The following ITPK1 variants were observed in gnomAD, a reference collection of about 807,000 sequenced individuals.
ITPK1 encodes the protein inositol-tetrakisphosphate 1-kinase.
ITPK1 carries 21 observed loss-of-function variants against 45.3 expected under a neutral mutation model. The ratio of observed to expected loss-of-function variants is 0.46; its 90% CI spans 0.33 to 0.67. The LOEUF (loss-of-function observed/expected upper bound fraction) is 0.67, where lower values mean the gene tolerates loss of function less well. ITPK1 is among the 30% of genes least tolerant of loss of function. The probability of loss-of-function intolerance (pLI) is 0.02; values close to 1 mark genes in which losing one functional copy is unlikely to be tolerated. For missense variants in ITPK1, 474 were observed against 573.5 expected (o/e 0.83, Z 1.77); for synonymous variants, 258 against 253.6 (o/e 1.02, Z -0.16).
rs759209329 is a variant in ITPK1 at position 93,016,789 on chromosome 14, G to A, written c.133C>T (p.Arg45Trp). Residue 45 changes from arginine (R) to tryptophan (W), a missense_variant, in exon 4 of 11, where the codon CGG (arginine) becomes TGG (tryptophan). Arg to Trp is a moderately radical substitution (Grantham distance 101). Transcript: ENST00000267615. This position sits in a 1 kb window ranked among gnomAD's most constrained non-coding sequence, Gnocchi z 5.0. ...GMEVVQLNLS[R>W]PIEEQGPLDV... Reference sequence around the variant, plus strand: ...AGGGGGCCCTGCTCCTCGATCGGCCGGCTAAGGTTCAGCTGTGAGGCAGGG... The same window carrying A: ...AGGGGGCCCTGCTCCTCGATCGGCCAGCTAAGGTTCAGCTGTGAGGCAGGG... 76 of 1,613,908 alleles carry A rather than the reference G, an allele frequency of 4.7e-5. No individual in the cohort carries two copies. Among genetic ancestry groups the A allele is most frequent in the Middle Eastern group, 1.6e-4 (1 of 6,082 alleles).
At chr14:92,945,204 G>A (rs1393498956) in intron 10 of ITPK1, among the ~76,000 whole-genome samples, 1 of 152,250 alleles carries the variant, frequency 6.6e-6, no homozygotes, top group Non-Finnish European at 1.5e-5. Flanking sequence ...GCAGCCCTGG[G>A]CGACAGCAGC....
At chr14:93,088,152 C>T (rs533276337) in intron 2 of ITPK1, among the ~76,000 whole-genome samples, 1 of 152,160 alleles carries the variant, frequency 6.6e-6, no homozygotes, top group Non-Finnish European at 1.5e-5. Context: ...GAGGCTAACA[C>T]CAGTAATCCC....
In ITPK1 at chr14:92,937,231, C is replaced by T. The variant is rs368205557; in HGVS notation, c.*4330G>A. 8.5e-5 allele frequency: 13 copies of T among 152,212 alleles called. No individual in the cohort carries two copies. Among genetic ancestry groups the T allele is most frequent in the Admixed American group, 2.0e-4 (3 of 15,280 alleles). 9.4% of individuals were successfully genotyped at this position (152,212 alleles called of 1,614,324 possible). ...CATATGTATGTACACAAATTAAGTA[C>T]GAACCAGCTTGGGATTCTGGTGAAG... is the stretch of plus-strand genomic sequence containing the variant. On this transcript the variant is annotated 3_prime_UTR_variant, in exon 11 of 11. Transcript: ENST00000267615.
At chr14:93,078,991 G>A (rs1466347772) in intron 2 of ITPK1, among the ~76,000 whole-genome samples, 1 of 151,866 alleles carries the variant, frequency 6.6e-6, no homozygotes, top group East Asian at 1.9e-4. Context: ...CTGGGCTCTG[G>A]GCCAGGGCCT....
intron 5 of ITPK1, among the ~76,000 whole-genome samples, chr14:92,986,221 G>A (rs1362787799): frequency 6.6e-6 from 1 of 152,206 alleles, no homozygotes; most frequent in Non-Finnish European, 1.5e-5. Context: ...AACACTAAGT[G>A]AGCTATAAAT....
At position 93,016,897 on chromosome 14, in the gene ITPK1, C is replaced by T; in HGVS notation, c.121-96G>A. The T allele has an allele frequency of 5.3e-6, 8 of 1,523,608 alleles. No homozygotes were observed. In the South Asian group the frequency reaches 9.8e-5, roughly 19 times the overall value. 94.4% of individuals were successfully genotyped at this position (1,523,608 alleles called of 1,614,324 possible). A position where few individuals can be genotyped will look rare whatever the true frequency, so the allele number is the denominator to read the frequency against. ...CACCCTGGGGCATATCACCAGAGGACCCTCGAGCCTCCCTGTAGCACTCTG... is the reference window on the plus strand; with the variant it reads ...CACCCTGGGGCATATCACCAGAGGATCCTCGAGCCTCCCTGTAGCACTCTG... On this transcript the variant is annotated intron_variant, in intron 3 of 10. Transcript: ENST00000267615. The surrounding 1 kb of genome is among the most constrained non-coding windows in gnomAD (Gnocchi z 5.0).
chr14:92,976,265 A>G (rs954113508), intron 5 of ITPK1, among the ~76,000 whole-genome samples: 1 of 152,160 alleles, frequency 6.6e-6, no homozygotes, highest in Non-Finnish European at 1.5e-5. Context: ...GCTTCTTTCC[A>G]TTATGAAGTA....
chr14:92,999,864 G>A (rs1053878659), intron 4 of ITPK1, among the ~76,000 whole-genome samples: 1 of 152,202 alleles, frequency 6.6e-6, no homozygotes. Context: ...ATTTTAGAAC[G>A]TTTTCATCCC....
chr14:92,963,324 C>T (rs11621683), intron 5 of ITPK1, among the ~76,000 whole-genome samples: 16,141 of 152,210 alleles, frequency 0.11, 1,058 homozygotes, highest in East Asian at 0.23. Context: ...TCTTAGCATG[C>T]GTCTGGCGCT....
intron 3 of ITPK1, among the ~76,000 whole-genome samples, chr14:93,038,616 C>T (rs1157026407): frequency 6.6e-6 from 1 of 152,210 alleles, no homozygotes; most frequent in Non-Finnish European, 1.5e-5. Context: ...CAACCTCCAC[C>T]TCCTGGGTTC....
chr14:93,078,517 T>C (rs957895812), intron 2 of ITPK1, among the ~76,000 whole-genome samples: 1 of 152,132 alleles, frequency 6.6e-6, no homozygotes, highest in African/African-American at 2.4e-5. Context: ...AGAACCACCC[T>C]GGTTGAGGCA....
At chr14:92,965,959 C>T (rs544286922) in intron 5 of ITPK1, among the ~76,000 whole-genome samples, 5 of 152,296 alleles carry the variant, frequency 3.3e-5, no homozygotes, top group South Asian at 2.1e-4. Context: ...GCCAAGATCG[C>T]GCCATTGCAT....
intron 2 of ITPK1, among the ~76,000 whole-genome samples, chr14:93,078,123 C>T (rs1891302780): frequency 6.6e-6 from 1 of 152,228 alleles, no homozygotes. Context: ...AACAATTTAG[C>T]TCAGCTCCTG....
intron 3 of ITPK1, among the ~76,000 whole-genome samples, chr14:93,056,249 G>A (rs552660295): frequency 1.3e-5 from 2 of 152,332 alleles, no homozygotes; most frequent in East Asian, 1.9e-4. Context: ...CGGGGAAGGA[G>A]TCAGAAAGAT....
At chr14:93,056,179 G>A (rs1348806668) in intron 3 of ITPK1, among the ~76,000 whole-genome samples, 1 of 152,196 alleles carries the variant, frequency 6.6e-6, no homozygotes, top group East Asian at 1.9e-4. Context: ...GCAGGAGAGT[G>A]GCCTGGGTGC....
At chr14:93,027,005 CT>C (rs1289395638) in intron 3 of ITPK1, among the ~76,000 whole-genome samples, 1 of 152,146 alleles carries the variant, frequency 6.6e-6, no homozygotes, top group Admixed American at 6.5e-5. Context: ...TTCAACGTCA[CT>C]TTTTTATAAC....
At position 93,052,954 on chromosome 14, in the gene ITPK1, AC is replaced by A. The variant is rs1300960511; in HGVS notation, c.120+23640del. On this transcript the variant is annotated intron_variant, in intron 3 of 10. Coordinates refer to ENST00000267615, the MANE Select transcript of ITPK1 (RefSeq NM_014216.6). ...ATGGACACAGGAAGGGGAACATCAC[AC>A]ACCAGGACCTATTGTGGGGTGGGGG... is the stretch of plus-strand genomic sequence containing the variant. Among the ~76,000 whole-genome samples the A allele has an allele frequency of 2.3e-5, 3 of 131,156 alleles. No homozygotes were observed. The Admixed American group carries it at 2.4e-4, about 10-fold the overall frequency. 86.0% of individuals were successfully genotyped at this position (131,156 alleles called of 152,430 possible).
At chr14:93,114,073 GC>G (rs1371581365) in intron 2 of ITPK1, among the ~76,000 whole-genome samples, 1 of 152,250 alleles carries the variant, frequency 6.6e-6, no homozygotes, top group Non-Finnish European at 1.5e-5. Flanking sequence ...TGCAAGTAGA[GC>G]CCATTTTCAA....
rs571036432 is a variant in ITPK1 at position 92,950,869 on chromosome 14, G to T, written c.738+1077C>A. ...GAAATCTGTTCCCAAAGCCTGATAT[G>T]TTCCCAGGGGACATGTGTCAACATC... On this transcript the variant is annotated intron_variant, in intron 9 of 10. Transcript: ENST00000267615. Among the ~76,000 whole-genome samples, 23 of 152,368 alleles carry T rather than the reference G, an allele frequency of 1.5e-4. No homozygotes were observed. In the South Asian group the frequency reaches 3.1e-3, roughly 21 times the overall value.
Sources: allele counts gnomAD v4.1 joint callset (sites outside exome capture counted in the v4.1 genomes callset), GRCh38; gene constraint gnomAD v4.1.1; non-coding constraint Gnocchi (gnomAD v3.1); transcripts MANE v1.5; gene names NCBI Gene and HGNC (gene_info 2026-07-23, HGNC 2026-07-21).